The following TMTC2 variants were observed in gnomAD, a reference collection of about 807,000 sequenced individuals.
TMTC2 encodes protein O-mannosyl-transferase TMTC2.
TMTC2 carries 43 observed loss-of-function variants against 82.4 expected under a neutral mutation model. The ratio of observed to expected loss-of-function variants is 0.52; its 90% CI spans 0.41 to 0.67. The LOEUF is 0.67. Among genes scored for constraint, TMTC2 ranks in the 30% least tolerant of loss-of-function variants. The probability of loss-of-function intolerance (pLI) is 0.00; values close to 1 mark genes in which losing one functional copy is unlikely to be tolerated. For synonymous variants in TMTC2, 408 were observed against 381.9 expected (o/e 1.07, Z -0.80); for missense variants, 919 against 1,012.4 (o/e 0.91, Z 1.25).
At chr12:82,804,680 CAGA>C (rs781287340) in intron 1 of TMTC2, among the ~76,000 whole-genome samples, 1 of 152,018 alleles carries the variant, frequency 6.6e-6, no homozygotes, top group Non-Finnish European at 1.5e-5. Flanking sequence ...TGTCAGTTTT[CAGA>C]AGGAGTAACT....
In TMTC2 at chr12:82,687,504, A is replaced by G; in HGVS notation, c.-83A>G. The G allele has an allele frequency of 1.5e-6, 2 of 1,327,328 alleles. No homozygotes were observed. Among genetic ancestry groups the G allele is most frequent in the Non-Finnish European group, 2.1e-6 (2 of 946,336 alleles). 82.2% of individuals were successfully genotyped at this position (1,327,328 alleles called of 1,614,324 possible). A position where few individuals can be genotyped will look rare whatever the true frequency, so the allele number is the denominator to read the frequency against. On this transcript the variant is annotated 5_prime_UTR_variant, in exon 1 of 12. Transcript: ENST00000321196. ...TGAAGCTGGGAGGAGAAGGCGGCGG[A>G]AGGTGGAGATTGATGCTTCTGTTTT...
intron 1 of TMTC2, among the ~76,000 whole-genome samples, chr12:82,805,949 C>G (rs139297823): frequency 3.3e-5 from 5 of 152,134 alleles, no homozygotes; most frequent in African/African-American, 9.6e-5. Context: ...TCTGGGAATA[C>G]TGAGATGAAT....
intron 8 of TMTC2, among the ~76,000 whole-genome samples, chr12:83,015,618 T>G (rs1281125006): frequency 1.3e-5 from 2 of 152,196 alleles, no homozygotes; most frequent in Non-Finnish European, 2.9e-5. Context: ...GCAAAGAAGT[T>G]GAGACTTTCT....
At chr12:82,994,342 G>A (rs763562886) in intron 8 of TMTC2, among the ~76,000 whole-genome samples, 2 of 151,992 alleles carry the variant, frequency 1.3e-5, no homozygotes, top group African/African-American at 2.4e-5. Flanking sequence ...CTGTGGTTCC[G>A]CCATGTTGGC....
intron 4 of TMTC2, among the ~76,000 whole-genome samples, chr12:82,931,753 C>T (rs1027709478): frequency 2.0e-5 from 3 of 152,110 alleles, no homozygotes; most frequent in African/African-American, 7.2e-5. Flanking sequence ...ATTCCTGTGT[C>T]TTTATAAACA....
chr12:82,748,813 G>A (rs1185061426), intron 1 of TMTC2, among the ~76,000 whole-genome samples: 1 of 152,164 alleles, frequency 6.6e-6, no homozygotes, highest in Non-Finnish European at 1.5e-5. Context: ...GGAGGCAGAG[G>A]TTGCAGTGAG....
At chr12:82,840,163 G>A (rs907690438) in intron 1 of TMTC2, among the ~76,000 whole-genome samples, 5 of 152,198 alleles carry the variant, frequency 3.3e-5, no homozygotes, top group Admixed American at 2.0e-4. Context: ...CCTACTGTGC[G>A]TCATGCACTG....
chr12:82,714,525 A>T (rs1218830848), intron 1 of TMTC2, among the ~76,000 whole-genome samples: 3 of 151,806 alleles, frequency 2.0e-5, no homozygotes, highest in Admixed American at 6.6e-5. Context: ...TTTCTATGCT[A>T]GTGTTTCAGA....
chr12:82,689,070 G>C (rs1174690229), intron 1 of TMTC2, among the ~76,000 whole-genome samples: 1 of 152,194 alleles, frequency 6.6e-6, no homozygotes, highest in African/African-American at 2.4e-5. Flanking sequence ...ACTGATTTTA[G>C]CAACTACACA....
intron 11 of TMTC2, 120 bp from the exon 12 acceptor site, chr12:83,132,090 T>G (rs1718379391): frequency 1.6e-6 from 2 of 1,242,180 alleles, no homozygotes; most frequent in Non-Finnish European, 2.2e-6. Flanking sequence ...CTAAATTGCT[T>G]TCACAAAATG....
At chr12:82,712,456 C>A (rs1385121728) in intron 1 of TMTC2, among the ~76,000 whole-genome samples, 5 of 146,578 alleles carry the variant, frequency 3.4e-5, no homozygotes, top group African/African-American at 7.5e-5. Context: ...AAAAAGCCAC[C>A]TCACAGAGTT....
At chr12:82,810,095 A>G (rs965590474) in intron 1 of TMTC2, among the ~76,000 whole-genome samples, 4 of 152,056 alleles carry the variant, frequency 2.6e-5, no homozygotes, top group Non-Finnish European at 4.4e-5. Context: ...TGTTTTGGAT[A>G]TGGAGAGAAA....
rs372529798 is a variant in TMTC2, at chr12:82,767,896, C to A, written c.83+80227C>A. On this transcript the variant is annotated intron_variant, in intron 1 of 11. Transcript: ENST00000321196. Reference sequence around the variant, plus strand: ...CAGGTGATCCTCCCCTGCTCCTTTACAAAATCCTATTCTATTCTGTGGTGT... The same window carrying A: ...CAGGTGATCCTCCCCTGCTCCTTTAAAAAATCCTATTCTATTCTGTGGTGT... 3.9e-5 allele frequency among the ~76,000 whole-genome samples: 6 copies of A among 152,310 alleles called. No homozygotes were observed. In the East Asian group the frequency reaches 9.6e-4, roughly 24 times the overall value.
intron 1 of TMTC2, among the ~76,000 whole-genome samples, chr12:82,699,531 T>C (rs1374193222): frequency 6.6e-6 from 1 of 152,176 alleles, no homozygotes; most frequent in African/African-American, 2.4e-5. Flanking sequence ...ACGCTCATAT[T>C]CAGAGTAGTT....
intron 4 of TMTC2, among the ~76,000 whole-genome samples, chr12:82,948,226 C>G (rs1877134950): frequency 6.6e-6 from 1 of 152,018 alleles, no homozygotes; most frequent in Non-Finnish European, 1.5e-5. Flanking sequence ...ATAGCCAGGC[C>G]TGGTGGCAAA....
intron 1 of TMTC2, among the ~76,000 whole-genome samples, chr12:82,827,819 T>C (rs1038842284): frequency 6.6e-6 from 1 of 151,936 alleles, no homozygotes; most frequent in African/African-American, 2.4e-5. Context: ...CACTTCAGCC[T>C]CCCAAGTTGT....
chr12:82,813,755 T>G (rs1248012588), intron 1 of TMTC2, among the ~76,000 whole-genome samples: 1 of 152,118 alleles, frequency 6.6e-6, no homozygotes, highest in Non-Finnish European at 1.5e-5. Flanking sequence ...AACTTAAGAC[T>G]GAGTTTTCTA....
At chr12:82,729,198 G>T (rs1471575191) in intron 1 of TMTC2, among the ~76,000 whole-genome samples, 2 of 152,194 alleles carry the variant, frequency 1.3e-5, no homozygotes, top group Non-Finnish European at 2.9e-5. Context: ...AGTGTGGTGG[G>T]GGCTTGGAGA....
At chr12:82,739,764 A>T (rs1368825437) in intron 1 of TMTC2, among the ~76,000 whole-genome samples, 1 of 149,064 alleles carries the variant, frequency 6.7e-6, no homozygotes, top group Non-Finnish European at 1.5e-5. Context: ...GTCCAAGTTT[A>T]TCTATCTTTA....
Sources: gnomAD v4.1 joint callset for allele counts (sites outside exome capture counted in the v4.1 genomes callset) on GRCh38, gnomAD v4.1.1 for gene constraint, MANE v1.5 for transcripts, NCBI Gene and HGNC (gene_info 2026-07-23, HGNC 2026-07-21) for gene names.